CCDC88C: variants seen among roughly 807,000 people sequenced by gnomAD.
The protein encoded by CCDC88C is protein Daple.
Under a neutral mutation model 198.8 loss-of-function variants are expected in CCDC88C, and 131 were observed. The ratio of observed to expected loss-of-function variants is 0.66; its 90% CI spans 0.57 to 0.76. The LOEUF (loss-of-function observed/expected upper bound fraction) is 0.76, where lower values mean the gene tolerates loss of function less well. Among genes scored for constraint, CCDC88C ranks in the 30% least tolerant of loss-of-function variants. The probability of loss-of-function intolerance (pLI) is 0.00; values close to 1 mark genes in which losing one functional copy is unlikely to be tolerated. For missense variants in CCDC88C, 2,553 were observed against 2,631.6 expected, an observed-to-expected ratio of 0.97 and a Z score of 0.65; for synonymous variants, 1,166 against 1,114.7, an observed-to-expected ratio of 1.05 and a Z score of -0.92.
chr14:91,350,068 C>G (rs1893717161), intron 4 of CCDC88C, among the ~76,000 whole-genome samples: 1 of 152,152 alleles, frequency 6.6e-6, no homozygotes, highest in African/African-American at 2.4e-5. Flanking sequence ...GGAACAAAAC[C>G]TATCTTCCTT....
intron 21 of CCDC88C, among the ~76,000 whole-genome samples, chr14:91,298,402 C>T (rs942223781): frequency 5.3e-5 from 8 of 151,930 alleles, no homozygotes; most frequent in South Asian, 2.1e-4. Context: ...GGCATAGTGA[C>T]GCACACCTGT....
chr14:91,404,701 C>A (rs540712627), intron 3 of CCDC88C, among the ~76,000 whole-genome samples: 11 of 152,114 alleles, frequency 7.2e-5, no homozygotes, highest in Admixed American at 1.3e-4. Context: ...CGGTGGCTCA[C>A]GCCTGTAATC....
Position 91,338,569 on chromosome 14 carries a change from C to A in CCDC88C, c.811G>T (p.Glu271Ter), listed in dbSNP as rs1293301594. 6.4e-7 allele frequency: 1 copy of A among 1,560,566 alleles called. No individual in the cohort carries two copies. Among genetic ancestry groups the A allele is most frequent in the East Asian group, 2.4e-5 (1 of 41,654 alleles). The change falls in exon 9 of 30, where the codon GAG (glutamate) becomes TAG (stop). Residue 271 changes from glutamate to a stop codon, truncating the protein, a stop_gained and splice_region_variant. Coordinates refer to ENST00000389857, the MANE Select transcript of CCDC88C (RefSeq NM_001080414.4). LOFTEE classifies it high-confidence loss of function. The surrounding 1 kb of genome is among the most constrained non-coding windows in gnomAD (Gnocchi z 4.8). ...TCCACAAGCTGCTCTGTCTTATCCT[C>A]CCTGCAGAGGCAGTAAGGAGAAAGA... is the stretch of plus-strand genomic sequence containing the variant. The part of the protein sequence containing the change: ...ARLRRVRQEL[E>*]DKTEQLVDTR...
intron 3 of CCDC88C, chr14:91,384,285 TTTTTG>T: frequency 2.8e-6 from 1 of 352,394 alleles, no homozygotes; most frequent in Non-Finnish European, 5.5e-6. Context: ...TTTTTTTTTT[TTTTTG>T]TATTTGAAAT....
chr14:91,297,790 G>A (rs991146158), intron 21 of CCDC88C, among the ~76,000 whole-genome samples: 1 of 152,176 alleles, frequency 6.6e-6, no homozygotes, highest in African/African-American at 2.4e-5. Context: ...CAGCATCACT[G>A]CTACCATCAC....
chr14:91,386,998 T>C (rs538556209), intron 3 of CCDC88C, among the ~76,000 whole-genome samples: 17 of 152,356 alleles, frequency 1.1e-4, no homozygotes, highest in South Asian at 1.0e-3. Context: ...ATTTTAAATA[T>C]ACTAACTTAT....
In CCDC88C at chr14:91,339,195, C is replaced by A; in HGVS notation, c.809+83G>T. On this transcript the variant is annotated intron_variant, in intron 8 of 29. Coordinates refer to ENST00000389857, the MANE Select transcript of CCDC88C (RefSeq NM_001080414.4). The surrounding 1 kb of genome is among the most constrained non-coding windows in gnomAD (Gnocchi z 5.8). Reference sequence around the variant, plus strand: ...GCACACGTCAGAGCTGTGCCATTGGCAGCACCACACATGTGAGTCGACACC... The same window carrying A: ...GCACACGTCAGAGCTGTGCCATTGGAAGCACCACACATGTGAGTCGACACC... The A allele has an allele frequency of 6.6e-7, 1 of 1,506,078 alleles. No individual in the cohort carries two copies. The highest frequency in any genetic ancestry group is 1.2e-5 in the South Asian group (1 of 84,202). The allele number at this position is 1,506,078 out of a possible 1,614,324, so 93.3% of individuals were successfully genotyped here.
At chr14:91,280,600 C>G (rs903320041) in intron 27 of CCDC88C, among the ~76,000 whole-genome samples, 6 of 152,122 alleles carry the variant, frequency 3.9e-5, no homozygotes, top group African/African-American at 1.2e-4. Flanking sequence ...CCTTCTTTTT[C>G]CTAAGAGAAG....
chr14:91,393,134 C>T lies in CCDC88C; in HGVS notation c.270+15525G>A, dbSNP rs148358904. Among the ~76,000 whole-genome samples, 5 of 152,214 alleles carry T rather than the reference C, an allele frequency of 3.3e-5. No homozygotes were observed. The East Asian group carries it at 9.7e-4, about 29-fold the overall frequency. On this transcript the variant is annotated intron_variant, in intron 3 of 29. Coordinates refer to ENST00000389857, the MANE Select transcript of CCDC88C (RefSeq NM_001080414.4). Reference sequence around the variant, plus strand: ...ACTGGCTCTCTCAGAATCACTGCAACCCAGGGAGGGGAGTGCAGTCATCAC... The same window carrying T: ...ACTGGCTCTCTCAGAATCACTGCAATCCAGGGAGGGGAGTGCAGTCATCAC...
intron 2 of CCDC88C, among the ~76,000 whole-genome samples, chr14:91,409,173 G>T (rs1344516634): frequency 8.1e-6 from 1 of 123,616 alleles, no homozygotes; most frequent in African/African-American, 3.2e-5. Context: ...AAAGACAGAA[G>T]GAGAAAAATG....
At position 91,342,425 on chromosome 14, in the gene CCDC88C, C is replaced by A; in HGVS notation, c.438G>T (p.Gln146His). The change falls in exon 6 of 30, where the codon CAG becomes CAT. Residue 146 changes from glutamine (Q) to histidine (H), a missense_variant. Transcript: ENST00000389857. ...RKEEFIERIK[Q>H]LDIETQAGIV... is the part of the protein sequence containing the mutation. ...TGCCAGCCTGGGTCTCAATGTCCAG[C>A]TGTTTGATTCTTTCAATGAACTCCT... 1 of 1,598,806 alleles carries A rather than the reference C, an allele frequency of 6.3e-7. No homozygotes were observed. Among genetic ancestry groups the A allele is most frequent in the Non-Finnish European group, 8.5e-7 (1 of 1,172,630 alleles).
intron 27 of CCDC88C, 157 bp from the exon 28 acceptor site, chr14:91,279,463 G>C (rs1890109706): frequency 1.7e-6 from 1 of 598,000 alleles, no homozygotes; most frequent in Non-Finnish European, 2.9e-6. Flanking sequence ...CTGCGCTCCA[G>C]TGAGGAAGCC....
intron 3 of CCDC88C, among the ~76,000 whole-genome samples, chr14:91,365,472 T>G (rs1894491887): frequency 6.6e-6 from 1 of 152,190 alleles, no homozygotes. Context: ...GCCATTAAAC[T>G]GTTAGGGGGA....
chr14:91,283,246 C>T (rs886844121), intron 26 of CCDC88C, 83 bp downstream of exon 26: 3 of 1,390,288 alleles, frequency 2.2e-6, no homozygotes, highest in East Asian at 2.4e-5. Flanking sequence ...GGGAGAGCAA[C>T]CTCTCTGATT....
At chr14:91,399,901 A>G (rs1421507749) in intron 3 of CCDC88C, among the ~76,000 whole-genome samples, 2 of 150,930 alleles carry the variant, frequency 1.3e-5, no homozygotes, top group Non-Finnish European at 2.9e-5. Flanking sequence ...ACCTAAGCAC[A>G]GCCTGGAGCC....
In CCDC88C at chr14:91,278,004, C is replaced by G. The variant is rs114849211; in HGVS notation, c.4976G>C (p.Arg1659Pro). ...RGTAPPYVGV[R>P]PCSASPSSEM... is the part of the protein sequence containing the mutation. ...ACTGCTGGGGGAGGCCGAGCAGGGC[C>G]GCACTCCGACGTAGGGAGGGGCTGT... Residue 1659 changes from arginine to proline, a missense_variant, in exon 29 of 30, where the codon CGG becomes CCG. Around this residue, in one of 2 missense-constraint regions of CCDC88C, gnomAD observed 1,293 missense variants for 1,219.6 expected, o/e 1.06. Transcript: ENST00000389857. The G allele has an allele frequency of 1.9e-6, 3 of 1,582,078 alleles. No individual in the cohort carries two copies. The highest frequency in any genetic ancestry group is 2.6e-6 in the Non-Finnish European group (3 of 1,163,312).
Position 91,308,043 on chromosome 14 carries a change from C to T in CCDC88C, c.3006+308G>A, listed in dbSNP as rs575697581. Among the ~76,000 whole-genome samples the T allele has an allele frequency of 1.5e-4, 23 of 152,348 alleles. 1 individual carries two copies. Among genetic ancestry groups the T allele is most frequent in the Admixed American group, 1.2e-3 (19 of 15,312 alleles). Reference sequence around the variant, plus strand: ...AGGGCACCCGTGAGACTCTGCAGGCCGTTGCTCAGTGCCCAACGTGCAGTT... The same window carrying T: ...AGGGCACCCGTGAGACTCTGCAGGCTGTTGCTCAGTGCCCAACGTGCAGTT... On this transcript the variant is annotated intron_variant, in intron 17 of 29. Coordinates refer to ENST00000389857, the MANE Select transcript of CCDC88C (RefSeq NM_001080414.4).
chr14:91,296,446 C>T (rs1436955307), intron 22 of CCDC88C, among the ~76,000 whole-genome samples: 3 of 152,244 alleles, frequency 2.0e-5, no homozygotes, highest in African/African-American at 7.2e-5. Context: ...CCTGACGCAC[C>T]TGCCTGTGAC....
rs748696939 is a variant in CCDC88C, at chr14:91,272,667, G to C, written c.6045C>G (p.Gly2015=). 1.1e-5 allele frequency: 17 copies of C among 1,611,426 alleles called. No individual in the cohort carries two copies. The South Asian group carries it at 1.2e-4, about 11-fold the overall frequency. The change falls in exon 30 of 30, where the codon GGC becomes GGG. Residue 2015 remains glycine (G), a synonymous_variant. Transcript: ENST00000389857. The part of the protein sequence containing the change: ...SKSSPASPEP[G]GDPQTVWYEY... Reference sequence around the variant, plus strand: ...CATACCACACGGTCTGCGGATCCCCGCCGGGCTCCGGGGAGGCCGGACTGC... The same window carrying C: ...CATACCACACGGTCTGCGGATCCCCCCCGGGCTCCGGGGAGGCCGGACTGC...
Sources: allele counts gnomAD v4.1 joint callset (sites outside exome capture counted in the v4.1 genomes callset), GRCh38; gene constraint gnomAD v4.1.1; regional missense constraint gnomAD v4.1.1; non-coding constraint Gnocchi (gnomAD v3.1); transcripts MANE v1.5; gene names NCBI Gene and HGNC (gene_info 2026-07-23, HGNC 2026-07-21).